Variants in CACNA1D observed in about 807,000 individuals in gnomAD.
The protein encoded by CACNA1D is voltage-dependent L-type calcium channel subunit alpha-1D.
In CACNA1D, 55 loss-of-function variants were observed where a neutral mutation model predicts 257.1. The ratio of observed to expected loss-of-function variants is 0.21; its 90% CI spans 0.17 to 0.27. The LOEUF is 0.27. Ranked by LOEUF, CACNA1D falls within the 10% of genes least tolerant of loss-of-function variation. CACNA1D has a pLI of 1.00. For missense variants in CACNA1D, 1,876 were observed against 2,784.0 expected (o/e 0.67, Z 7.34); for synonymous variants, 980 against 1,014.9 (o/e 0.97, Z 0.65).
chr3:53,751,730 C>G lies in CACNA1D; in HGVS notation c.3517-19C>G. On this transcript the variant is annotated intron_variant, in intron 27 of 47. Transcript: ENST00000350061. The surrounding 1 kb of genome is among the most constrained non-coding windows in gnomAD (Gnocchi z 4.3). Reference sequence around the variant, plus strand: ...GCAAGTGCTCAGAACCCCGTTTCTGCCCTTTTCTGCTGTTGCAGCGTCAGT... The same window carrying G: ...GCAAGTGCTCAGAACCCCGTTTCTGGCCTTTTCTGCTGTTGCAGCGTCAGT... The G allele has an allele frequency of 6.2e-7, 1 of 1,614,146 alleles. No individual in the cohort carries two copies. Among genetic ancestry groups the G allele is most frequent in the Non-Finnish European group, 8.5e-7 (1 of 1,179,974 alleles).
At chr3:53,594,249 A>G (rs924431031) in intron 3 of CACNA1D, among the ~76,000 whole-genome samples, 1 of 152,226 alleles carries the variant, frequency 6.6e-6, no homozygotes. Flanking sequence ...ATTCGAAGCA[A>G]CCTGAGTTGG....
At position 53,791,270 on chromosome 3, in the gene CACNA1D, A is replaced by G. The variant is rs180902016; in HGVS notation, c.4923+4318A>G. On this transcript the variant is annotated intron_variant, in intron 40 of 47. Coordinates refer to ENST00000350061, the MANE Select transcript of CACNA1D (RefSeq NM_001128840.3). Reference sequence around the variant, plus strand: ...CGGTGGTTCTTTTTCGTGAAAGGGAACGTACAAAGCTTAACAGTTTTCCCT... The same window carrying G: ...CGGTGGTTCTTTTTCGTGAAAGGGAGCGTACAAAGCTTAACAGTTTTCCCT... The G allele has an allele frequency of 3.1e-3, 1,597 of 519,922 alleles. 5 individuals carry two copies. Among genetic ancestry groups the G allele is most frequent in the Middle Eastern group, 8.2e-3 (16 of 1,944 alleles). 32.2% of individuals were successfully genotyped at this position (519,922 alleles called of 1,614,324 possible).
At chr3:53,745,241 CT>C (rs59246445) in intron 23 of CACNA1D, among the ~76,000 whole-genome samples, 171 of 144,274 alleles carry the variant, frequency 1.2e-3, no homozygotes, top group Middle Eastern at 3.6e-3. Flanking sequence ...AGCATTTCTT[CT>C]TTTTTTTTTT....
At chr3:53,610,858 T>C (rs1445581186) in intron 3 of CACNA1D, among the ~76,000 whole-genome samples, 1 of 152,248 alleles carries the variant, frequency 6.6e-6, no homozygotes, top group Non-Finnish European at 1.5e-5. Context: ...TTGCATAGAT[T>C]CACATTTCCA....
At chr3:53,525,178 C>T (rs923779304) in intron 3 of CACNA1D, among the ~76,000 whole-genome samples, 9 of 152,098 alleles carry the variant, frequency 5.9e-5, no homozygotes, top group South Asian at 2.1e-4. Context: ...GACTCTGGGC[C>T]GAATATTTAG....
intron 3 of CACNA1D, among the ~76,000 whole-genome samples, chr3:53,570,668 G>A (rs959312293): frequency 1.3e-5 from 2 of 152,214 alleles, no homozygotes; most frequent in Admixed American, 6.5e-5. Flanking sequence ...ATACACATCC[G>A]TGTGTGCCCA....
intron 3 of CACNA1D, among the ~76,000 whole-genome samples, chr3:53,541,585 C>T (rs1389214334): frequency 6.6e-6 from 1 of 152,160 alleles, no homozygotes; most frequent in African/African-American, 2.4e-5. Flanking sequence ...ATCCTCCTCC[C>T]CAAATGGGGG....
At chr3:53,696,536 G>A (rs763354688) in intron 8 of CACNA1D, among the ~76,000 whole-genome samples, 3 of 152,182 alleles carry the variant, frequency 2.0e-5, no homozygotes, top group Admixed American at 6.5e-5. Context: ...CCCAGGGTAG[G>A]GGACACATGT....
At chr3:53,659,400 G>C (rs1210272349) in intron 4 of CACNA1D, among the ~76,000 whole-genome samples, 1 of 152,226 alleles carries the variant, frequency 6.6e-6, no homozygotes, top group Non-Finnish European at 1.5e-5. Context: ...TGAAGGTGAA[G>C]GTTGGGGTGT....
intron 3 of CACNA1D, among the ~76,000 whole-genome samples, chr3:53,516,151 C>T (rs934517787): frequency 6.6e-6 from 1 of 152,218 alleles, no homozygotes; most frequent in Non-Finnish European, 1.5e-5. Context: ...TGCGAGGGAG[C>T]TCTCATTTAC....
chr3:53,586,900 G>T (rs763123409), intron 3 of CACNA1D, among the ~76,000 whole-genome samples: 1 of 152,136 alleles, frequency 6.6e-6, no homozygotes, highest in Non-Finnish European at 1.5e-5. Flanking sequence ...GAGACGCTGG[G>T]GGGGTAATGT....
intron 3 of CACNA1D, among the ~76,000 whole-genome samples, chr3:53,535,281 C>T (rs13323471): frequency 0.098 from 14,854 of 152,184 alleles, 2,135 homozygotes; most frequent in African/African-American, 0.31. Context: ...CACAGCCTCC[C>T]GTCGCCTGTG....
chr3:53,659,008 G>C (rs2094176175), intron 4 of CACNA1D, among the ~76,000 whole-genome samples: 1 of 152,342 alleles, frequency 6.6e-6, no homozygotes, highest in South Asian at 2.1e-4. Flanking sequence ...GCACGCCAGT[G>C]GGGGCAGTTT....
chr3:53,661,736 T>G (rs750136266), intron 5 of CACNA1D, among the ~76,000 whole-genome samples: 2 of 152,198 alleles, frequency 1.3e-5, no homozygotes, highest in African/African-American at 2.4e-5. Context: ...AGAACTCACA[T>G]AGCATTGTGT....
rs150544729 is a variant in CACNA1D at position 53,570,993 on chromosome 3, C to G, written c.483+69273C>G. ...CAGTCCACACCCTCCTCTGGGGGAACTAGGGCAAGTCTGCTGGCTGCCTCA... is the reference window on the plus strand; with the variant it reads ...CAGTCCACACCCTCCTCTGGGGGAAGTAGGGCAAGTCTGCTGGCTGCCTCA... On this transcript the variant is annotated intron_variant, in intron 3 of 47. Coordinates refer to ENST00000350061, the MANE Select transcript of CACNA1D (RefSeq NM_001128840.3). Among the ~76,000 whole-genome samples the G allele has an allele frequency of 9.5e-3, 1,446 of 152,304 alleles. 25 individuals carry two copies. Among genetic ancestry groups the G allele is most frequent in the African/African-American group, 0.033 (1,375 of 41,548 alleles).
Position 53,800,262 on chromosome 3 carries a change from C to G in CACNA1D, c.4937C>G (p.Thr1646Arg), listed in dbSNP as rs1240610730. The G allele has an allele frequency of 6.2e-7, 1 of 1,612,762 alleles. No homozygotes were observed. The highest frequency in any genetic ancestry group is 1.3e-5 in the African/African-American group (1 of 74,904). Residue 1646 changes from threonine to arginine, a missense_variant, in exon 41 of 48, where the codon ACA (threonine) becomes AGA (arginine). Around this residue, in one of 10 missense-constraint regions of CACNA1D, gnomAD observed 160 missense variants for 236.6 expected, o/e 0.68. Coordinates refer to ENST00000350061, the MANE Select transcript of CACNA1D (RefSeq NM_001128840.3). This position sits in a 1 kb window ranked among gnomAD's most constrained non-coding sequence, Gnocchi z 4.3. The stretch of plus-strand genomic sequence containing the variant: ...TCATTGATCTAGGCGGGATTAAGGA[C>G]ACTGCATGACATTGGGCCAGAAATC... The part of the protein sequence containing the change: ...TTIALQAGLR[T>R]LHDIGPEIRR...
chr3:53,590,151 G>T (rs1051014959), intron 3 of CACNA1D, among the ~76,000 whole-genome samples: 1 of 152,350 alleles, frequency 6.6e-6, no homozygotes, highest in Non-Finnish European at 1.5e-5. Flanking sequence ...TCCAGCCTCA[G>T]CTCATGCCAC....
chr3:53,600,852 C>T (rs1398036064), intron 3 of CACNA1D, among the ~76,000 whole-genome samples: 2 of 152,114 alleles, frequency 1.3e-5, no homozygotes, highest in Admixed American at 1.3e-4. Flanking sequence ...CCCCCCTGTT[C>T]GCTGAAGGAC....
In CACNA1D at chr3:53,505,398, C is replaced by T. The variant is rs555482926; in HGVS notation, c.483+3678C>T. Among the ~76,000 whole-genome samples, 5 of 152,254 alleles carry T rather than the reference C, an allele frequency of 3.3e-5. No individual in the cohort carries two copies. The South Asian group carries it at 6.2e-4, about 19-fold the overall frequency. ...TGCTGGAATTACAGGCTTGAGCCACCGCGCCTGGCCTATATGCACATCTTT... is the reference window on the plus strand; with the variant it reads ...TGCTGGAATTACAGGCTTGAGCCACTGCGCCTGGCCTATATGCACATCTTT... On this transcript the variant is annotated intron_variant, in intron 3 of 47. Coordinates refer to ENST00000350061, the MANE Select transcript of CACNA1D (RefSeq NM_001128840.3).
Sources: allele counts gnomAD v4.1 joint callset (sites outside exome capture counted in the v4.1 genomes callset), GRCh38; gene constraint gnomAD v4.1.1; regional missense constraint gnomAD v4.1.1; non-coding constraint Gnocchi (gnomAD v3.1); transcripts MANE v1.5; gene names NCBI Gene and HGNC (gene_info 2026-07-23, HGNC 2026-07-21).